The following ARHGAP17 variants were observed in gnomAD, a reference collection of about 807,000 sequenced individuals.
The protein encoded by ARHGAP17 is Rho GTPase activating protein 17.
Under a neutral mutation model 99.5 loss-of-function variants are expected in ARHGAP17, and 57 were observed. That is an observed-to-expected ratio of 0.57 (90% CI 0.46 to 0.71). The LOEUF (loss-of-function observed/expected upper bound fraction) is 0.71, where lower values mean the gene tolerates loss of function less well. Ranked by LOEUF, ARHGAP17 falls within the 30% of genes least tolerant of loss-of-function variation. The pLI is 0.00. For synonymous variants in ARHGAP17, 417 were observed against 429.6 expected, an observed-to-expected ratio of 0.97 and a Z score of 0.36; for missense variants, 1,000 against 1,122.4, an observed-to-expected ratio of 0.89 and a Z score of 1.56.
chr16:24,963,337 A>G (rs2052070951), intron 7 of ARHGAP17, among the ~76,000 whole-genome samples: 2 of 152,216 alleles, frequency 1.3e-5, no homozygotes, highest in Non-Finnish European at 2.9e-5. Context: ...TCTACCCACT[A>G]TATTATTTTA....
At chr16:24,948,377 C>G (rs1489079490) in intron 13 of ARHGAP17, among the ~76,000 whole-genome samples, 6 of 152,170 alleles carry the variant, frequency 3.9e-5, no homozygotes, top group African/African-American at 1.4e-4. Flanking sequence ...ACTGTAAACA[C>G]TGGATGCATC....
chr16:24,993,711 T>C (rs181601921), intron 1 of ARHGAP17, among the ~76,000 whole-genome samples: 49 of 152,280 alleles, frequency 3.2e-4, no homozygotes, highest in Admixed American at 2.8e-3. Flanking sequence ...TGAACCAGTC[T>C]TTGAACCTTC....
Position 24,933,945 on chromosome 16 carries a change from G to C in ARHGAP17, c.1894+1525C>G, listed in dbSNP as rs373751298. Among the ~76,000 whole-genome samples the C allele has an allele frequency of 3.9e-5, 6 of 152,282 alleles. 1 individual carries two copies. The South Asian group carries it at 1.0e-3, about 26-fold the overall frequency. On this transcript the variant is annotated intron_variant, in intron 18 of 19. Coordinates refer to ENST00000289968, the MANE Select transcript of ARHGAP17 (RefSeq NM_001006634.3). ...AAACCAGAGTCACACCTGGAATCTAGGTCCAGAAGACTAACTTCCCTCAAG... is the reference window on the plus strand; with the variant it reads ...AAACCAGAGTCACACCTGGAATCTACGTCCAGAAGACTAACTTCCCTCAAG...
At chr16:24,974,783 G>A (rs770586977) in intron 3 of ARHGAP17, among the ~76,000 whole-genome samples, 9 of 152,152 alleles carry the variant, frequency 5.9e-5, no homozygotes, top group Non-Finnish European at 1.0e-4. Context: ...ATGGAGATGA[G>A]CAATTTAAAA....
At chr16:25,006,895 C>T (rs1414593380) in intron 1 of ARHGAP17, among the ~76,000 whole-genome samples, 1 of 152,046 alleles carries the variant, frequency 6.6e-6, no homozygotes, top group African/African-American at 2.4e-5. Flanking sequence ...ATAAAGAGAC[C>T]CCAGGGCTGG....
At position 24,979,144 on chromosome 16, in the gene ARHGAP17, ATTT is replaced by A. The variant is rs902449842; in HGVS notation, c.54-142_54-140del. 3 of 609,496 alleles carry A rather than the reference ATTT, an allele frequency of 4.9e-6. No homozygotes were observed. The African/African-American group carries it at 5.9e-5, about 12-fold the overall frequency. The allele number at this position is 609,496 out of a possible 1,614,324, so 37.8% of individuals were successfully genotyped here. A position where few individuals can be genotyped will look rare whatever the true frequency, so the allele number is the denominator to read the frequency against. On this transcript the variant is annotated intron_variant, in intron 1 of 19. Coordinates refer to ENST00000289968, the MANE Select transcript of ARHGAP17 (RefSeq NM_001006634.3). ...AAGGGTTGGCAGGGGCAGTTTACCAATTTTTACATCAGAGAGCAATTTAAGCAA... is the reference window on the plus strand; with the variant it reads ...AAGGGTTGGCAGGGGCAGTTTACCAATTACATCAGAGAGCAATTTAAGCAA...
Position 24,967,624 on chromosome 16 carries a change from C to A in ARHGAP17, c.461+727G>T, listed in dbSNP as rs560809171. 2.6e-5 allele frequency among the ~76,000 whole-genome samples: 4 copies of A among 152,082 alleles called. No homozygotes were observed. In the East Asian group the frequency reaches 7.7e-4, roughly 29 times the overall value. On this transcript the variant is annotated intron_variant, in intron 6 of 19. Coordinates refer to ENST00000289968, the MANE Select transcript of ARHGAP17 (RefSeq NM_001006634.3). ...GCCAGAAGTTCAAGACCAGCCTGGG[C>A]AACACAGCTAGACACCATCTCCAAG...
intron 2 of ARHGAP17, 91 bp from the exon 3 acceptor site, chr16:24,977,410 G>A: frequency 9.5e-7 from 1 of 1,049,052 alleles, no homozygotes; most frequent in Non-Finnish European, 1.4e-6. Context: ...GAATCTACAT[G>A]CAGGGAAAAG....
intron 19 of ARHGAP17, among the ~76,000 whole-genome samples, chr16:24,927,018 C>T (rs1025035472): frequency 2.0e-5 from 3 of 152,106 alleles, no homozygotes; most frequent in Admixed American, 6.5e-5. Context: ...CACCTATAAT[C>T]CCAGCACTTT....
At chr16:24,976,573 A>G (rs1384157750) in intron 3 of ARHGAP17, among the ~76,000 whole-genome samples, 1 of 151,894 alleles carries the variant, frequency 6.6e-6, no homozygotes, top group Non-Finnish European at 1.5e-5. Context: ...GGAAAGGGGA[A>G]AGGGGAAAGG....
intron 13 of ARHGAP17, among the ~76,000 whole-genome samples, chr16:24,948,688 G>C (rs2051545608): frequency 1.3e-5 from 2 of 151,822 alleles, no homozygotes; most frequent in Non-Finnish European, 2.9e-5. Flanking sequence ...GCCCAAGGCG[G>C]AATTTAAGGA....
intron 18 of ARHGAP17, among the ~76,000 whole-genome samples, chr16:24,935,269 A>C (rs1237774491): frequency 1.3e-5 from 2 of 152,170 alleles, no homozygotes; most frequent in African/African-American, 4.8e-5. Flanking sequence ...CCTAAGGAAA[A>C]ACTAAATGTC....
intron 18 of ARHGAP17, among the ~76,000 whole-genome samples, chr16:24,933,233 T>G (rs1428518651): frequency 6.7e-6 from 1 of 148,932 alleles, no homozygotes; most frequent in Non-Finnish European, 1.5e-5. Flanking sequence ...TCTCGGTGGC[T>G]CATGCCTGTA....
intron 16 of ARHGAP17, 117 bp from the exon 17 acceptor site, chr16:24,939,714 T>C (rs944440460): frequency 5.6e-5 from 63 of 1,127,864 alleles, no homozygotes; most frequent in Non-Finnish European, 7.2e-5. Flanking sequence ...CTGCCCGGCA[T>C]GCAGTGAAGC....
intron 1 of ARHGAP17, among the ~76,000 whole-genome samples, chr16:25,008,350 G>A (rs1378207184): frequency 2.0e-5 from 3 of 152,064 alleles, no homozygotes; most frequent in African/African-American, 7.2e-5. Flanking sequence ...GACCCCACTG[G>A]AAGTATTACA....
chr16:24,942,113 A>G lies in ARHGAP17; in HGVS notation c.1364T>C (p.Val455Ala). The G allele has an allele frequency of 1.3e-6, 2 of 1,553,742 alleles. No individual in the cohort carries two copies. The highest frequency in any genetic ancestry group is 1.7e-6 in the Non-Finnish European group (2 of 1,143,638). Residue 455 changes from valine to alanine, a missense_variant, in exon 16 of 20, where the codon GTA becomes GCA. Coordinates refer to ENST00000289968, the MANE Select transcript of ARHGAP17 (RefSeq NM_001006634.3). ...ATTAGAACTCGGGGTGGTGAGAGGT[A>G]CAAATGCTTCTGATACATTAAATTC... ...EVEFNVSEAFVPLTTPSSNHS... is the reference protein window; with the variant it reads ...EVEFNVSEAFAPLTTPSSNHS...
chr16:25,006,742 C>T (rs1239984775), intron 1 of ARHGAP17, among the ~76,000 whole-genome samples: 1 of 152,068 alleles, frequency 6.6e-6, no homozygotes, highest in African/African-American at 2.4e-5. Context: ...CTGGATTTAC[C>T]CTGCAGGCCA....
intron 15 of ARHGAP17, 39 bp from the exon 16 acceptor site, chr16:24,942,182 G>C (rs374271452): frequency 6.4e-7 from 1 of 1,569,792 alleles, no homozygotes; most frequent in East Asian, 2.2e-5. Context: ...GAGACACTGA[G>C]CACAGCAGGC....
intron 1 of ARHGAP17, among the ~76,000 whole-genome samples, chr16:24,989,814 G>A (rs1026721958): frequency 3.9e-5 from 6 of 152,094 alleles, no homozygotes; most frequent in South Asian, 2.1e-4. Flanking sequence ...AAAAAATAAC[G>A]TCATAAAAGT....
Sources: allele counts gnomAD v4.1 joint callset (sites outside exome capture counted in the v4.1 genomes callset), GRCh38; gene constraint gnomAD v4.1.1; transcripts MANE v1.5; gene names NCBI Gene and HGNC (gene_info 2026-07-23, HGNC 2026-07-21).